The following TASP1 variants were observed in gnomAD, a reference collection of about 807,000 sequenced individuals.
TASP1 encodes the protein threonine aspartase 1.
Under a neutral mutation model 56.6 loss-of-function variants are expected in TASP1, and 16 were observed. The ratio of observed to expected loss-of-function variants is 0.28; its 90% confidence interval spans 0.19 to 0.43. The LOEUF (loss-of-function observed/expected upper bound fraction) is 0.43. Ranked by LOEUF, TASP1 falls within the 20% of genes least tolerant of loss-of-function variation. TASP1 has a pLI of 1.00. For synonymous variants in TASP1, 179 were observed against 184.2 expected, an observed-to-expected ratio of 0.97 and a Z score of 0.23; for missense variants, 393 against 511.6, an observed-to-expected ratio of 0.77 and a Z score of 2.24.
the TASP1 span, among the ~76,000 whole-genome samples, chr20:13,191,129 T>C: frequency 7.2e-5 from 11 of 152,154 alleles, no homozygotes; most frequent in Non-Finnish European, 1.6e-4. Context: ...AACTCTTATA[T>C]ACTGTTAGCG....
the TASP1 span, among the ~76,000 whole-genome samples, chr20:13,124,999 G>C: frequency 3.9e-5 from 6 of 152,166 alleles, no homozygotes; most frequent in Admixed American, 1.3e-4. Context: ...TAAAGAGAAG[G>C]CATCTGATCC....
At chr20:13,260,453 G>C in the TASP1 span, among the ~76,000 whole-genome samples, 1 of 152,194 alleles carries the variant, frequency 6.6e-6, no homozygotes, top group Non-Finnish European at 1.5e-5. Context: ...ACCCAGCTTT[G>C]AGCTAACAGG....
At chr20:13,629,765 G>C (rs1419809769) in intron 2 of TASP1, among the ~76,000 whole-genome samples, 169 bp downstream of exon 2, 1 of 152,200 alleles carries the variant, frequency 6.6e-6, no homozygotes. Context: ...TAACTGGGGA[G>C]TAAAGAGGGA....
the TASP1 span, among the ~76,000 whole-genome samples, chr20:13,269,934 A>AGGAT: frequency 1.9e-3 from 282 of 149,908 alleles, no homozygotes; most frequent in Middle Eastern, 3.4e-3. Flanking sequence ...TGTGGGTGGA[A>AGGAT]GGATGGATGG....
intron 11 of TASP1, among the ~76,000 whole-genome samples, chr20:13,448,951 A>G (rs2043515815): frequency 6.6e-6 from 1 of 152,084 alleles, no homozygotes; most frequent in African/African-American, 2.4e-5. Flanking sequence ...GTGAGGTAAA[A>G]ACACCCAGGA....
chr20:13,549,063 T>C (rs2045896540), intron 8 of TASP1, among the ~76,000 whole-genome samples: 1 of 152,116 alleles, frequency 6.6e-6, no homozygotes, highest in Non-Finnish European at 1.5e-5. Flanking sequence ...AAAAAGACCA[T>C]GGTAATTACC....
At chr20:13,609,853 C>T (rs898190763) in intron 4 of TASP1, among the ~76,000 whole-genome samples, 3 of 152,042 alleles carry the variant, frequency 2.0e-5, no homozygotes, top group African/African-American at 4.8e-5. Context: ...AGAAACAACC[C>T]ATATGTCCAT....
the TASP1 span, among the ~76,000 whole-genome samples, chr20:13,347,408 C>T: frequency 6.6e-6 from 1 of 152,206 alleles, no homozygotes; most frequent in African/African-American, 2.4e-5. Flanking sequence ...GCTCTCCAAC[C>T]CACTCCCTGA....
rs373640657 is a variant in TASP1, at chr20:13,442,590, C to T, written c.986-7436G>A. ...CCCGGAGGTGGAGGTTGCAGTGAGC[C>T]GATATCGTGCCCCCGCCCTCCAGCC... On this transcript the variant is annotated intron_variant, in intron 11 of 13. Transcript: ENST00000337743. Among the ~76,000 whole-genome samples the T allele has an allele frequency of 5.9e-5, 9 of 151,700 alleles. No homozygotes were observed. In the South Asian group the frequency reaches 1.2e-3, roughly 21 times the overall value.
the TASP1 span, among the ~76,000 whole-genome samples, chr20:13,112,764 A>G: frequency 3.9e-5 from 6 of 152,206 alleles, no homozygotes; most frequent in African/African-American, 9.6e-5. Flanking sequence ...ACAAGCCTCA[A>G]TCGCTCTTGG....
At chr20:13,233,318 G>A in the TASP1 span, among the ~76,000 whole-genome samples, 2 of 152,040 alleles carry the variant, frequency 1.3e-5, no homozygotes, top group South Asian at 2.1e-4. Context: ...AGATCCTGCC[G>A]GGCGCGGTGG....
the TASP1 span, among the ~76,000 whole-genome samples, chr20:13,208,223 T>G: frequency 6.6e-6 from 1 of 152,188 alleles, no homozygotes; most frequent in Non-Finnish European, 1.5e-5. Flanking sequence ...AACTGAGTAA[T>G]GTATTAAGTA....
intron 8 of TASP1, among the ~76,000 whole-genome samples, chr20:13,545,607 G>A (rs1001774710): frequency 2.6e-5 from 4 of 151,918 alleles, no homozygotes; most frequent in Non-Finnish European, 5.9e-5. Flanking sequence ...AAAAACCAGC[G>A]TTTGGTTTGA....
chr20:13,301,487 A>G, the TASP1 span, among the ~76,000 whole-genome samples: 1 of 152,262 alleles, frequency 6.6e-6, no homozygotes, highest in South Asian at 2.1e-4. Flanking sequence ...CCATGCCCAG[A>G]CATTTACACC....
chr20:13,321,599 G>A, the TASP1 span, among the ~76,000 whole-genome samples: 3 of 152,212 alleles, frequency 2.0e-5, no homozygotes, highest in Non-Finnish European at 4.4e-5. Flanking sequence ...GGGACGTGGT[G>A]TGTTTTCTTC....
downstream of TASP1, among the ~76,000 whole-genome samples, chr20:13,388,536 A>G (rs1051454426): frequency 3.3e-5 from 5 of 152,212 alleles, no homozygotes; most frequent in Admixed American, 1.3e-4. Context: ...TATAAATGGA[A>G]AAAGGGCAAA....
chr20:13,280,663 G>A, the TASP1 span, among the ~76,000 whole-genome samples: 120 of 152,186 alleles, frequency 7.9e-4, no homozygotes, highest in Non-Finnish European at 1.9e-4. Context: ...AAGAAAGGGA[G>A]CCTGGAGAAG....
the TASP1 span, among the ~76,000 whole-genome samples, chr20:13,150,352 C>T: frequency 6.6e-6 from 1 of 152,168 alleles, no homozygotes; most frequent in Non-Finnish European, 1.5e-5. Context: ...ACAAAGGAGA[C>T]TGTGTCTAAG....
the TASP1 span, among the ~76,000 whole-genome samples, chr20:13,292,687 A>G: frequency 1.1e-3 from 170 of 152,180 alleles, 1 homozygote; most frequent in African/African-American, 3.9e-3. Flanking sequence ...TCTGCTCTCT[A>G]TGCAGCCTTC....
Sources: allele counts gnomAD v4.1 joint callset (sites outside exome capture counted in the v4.1 genomes callset), GRCh38; gene constraint gnomAD v4.1.1; transcripts MANE v1.5; gene names NCBI Gene and HGNC (gene_info 2026-07-23, HGNC 2026-07-21).